The following TMEM182 variants were observed in gnomAD, a reference collection of about 807,000 sequenced individuals.
TMEM182 encodes transmembrane protein 182.
A neutral mutation model predicts 26.8 loss-of-function variants in TMEM182; 20 were observed. That is an observed-to-expected ratio of 0.75 (90% CI 0.53 to 1.09). The LOEUF (loss-of-function observed/expected upper bound fraction) is 1.09. TMEM182 is among the 50% of genes least tolerant of loss of function. TMEM182 has a pLI of 0.00. For synonymous variants in TMEM182, 109 were observed against 102.2 expected, an observed-to-expected ratio of 1.07 and a Z score of -0.40; for missense variants, 277 against 275.5, an observed-to-expected ratio of 1.01 and a Z score of -0.04.
intron 4 of TMEM182, among the ~76,000 whole-genome samples, chr2:102,813,354 C>T (rs1682623319): frequency 1.3e-5 from 2 of 152,324 alleles, no homozygotes; most frequent in Middle Eastern, 6.8e-3. Flanking sequence ...AAGCTACTCT[C>T]TGCCAATATG....
chr2:102,842,174 A>G (rs1056121636), intron 3 of TMEM182, among the ~76,000 whole-genome samples: 1 of 152,122 alleles, frequency 6.6e-6, no homozygotes, highest in African/African-American at 2.4e-5. Context: ...TCCCCCCTGC[A>G]ATGACTACTC....
intron 1 of TMEM182, among the ~76,000 whole-genome samples, chr2:102,745,871 T>G (rs897535892): frequency 1.3e-5 from 2 of 152,174 alleles, no homozygotes; most frequent in African/African-American, 4.8e-5. Flanking sequence ...GGCATTGGGA[T>G]TGGTTCTAAT....
chr2:102,790,487 CCAT>C (rs1681589669), intron 3 of TMEM182, among the ~76,000 whole-genome samples: 2 of 152,170 alleles, frequency 1.3e-5, no homozygotes, highest in Non-Finnish European at 2.9e-5. Flanking sequence ...GAACAGATTC[CCAT>C]TCTGCCACTA....
downstream of TMEM182, among the ~76,000 whole-genome samples, chr2:102,822,344 T>A (rs1682938619): frequency 6.6e-6 from 1 of 151,804 alleles, no homozygotes; most frequent in Admixed American, 6.6e-5. Flanking sequence ...AAATAGACAA[T>A]GAAGAATTAA....
chr2:102,749,466 T>G (rs1361493990), intron 1 of TMEM182, among the ~76,000 whole-genome samples: 7 of 152,168 alleles, frequency 4.6e-5, no homozygotes, highest in Non-Finnish European at 1.0e-4. Flanking sequence ...AATAGGCAAT[T>G]TCTTACTGGG....
chr2:102,842,472 T>A (rs1467187450), intron 3 of TMEM182, among the ~76,000 whole-genome samples: 1 of 152,190 alleles, frequency 6.6e-6, no homozygotes, highest in Non-Finnish European at 1.5e-5. Flanking sequence ...CCTCATTGGC[T>A]TCTGGGGAGC....
chr2:102,802,749 A>G lies in TMEM182; in HGVS notation c.469+4749A>G, dbSNP rs988531021. ...GCAACATCAACACAGCAATTTCTGT[A>G]TGTCAGCAGGACATCTACGTGTGTG... On this transcript the variant is annotated intron_variant, in intron 4 of 4. Coordinates refer to ENST00000412401, the MANE Select transcript of TMEM182 (RefSeq NM_144632.5). Among the ~76,000 whole-genome samples, 11 of 152,220 alleles carry G rather than the reference A, an allele frequency of 7.2e-5. No homozygotes were observed. In the East Asian group the frequency reaches 7.7e-4, roughly 11 times the overall value.
At chr2:102,779,607 G>A (rs937687605) in intron 3 of TMEM182, among the ~76,000 whole-genome samples, 1 of 151,796 alleles carries the variant, frequency 6.6e-6, no homozygotes, top group African/African-American at 2.4e-5. Flanking sequence ...TCATTCAGCT[G>A]TAAAACACAT....
chr2:102,823,339 A>AT (rs201803701), intron 3 of TMEM182, among the ~76,000 whole-genome samples: 9 of 151,522 alleles, frequency 5.9e-5, no homozygotes, highest in African/African-American at 2.2e-4. Context: ...TTTATTTTTT[A>AT]TTTTTATTTT....
intron 4 of TMEM182, among the ~76,000 whole-genome samples, chr2:102,799,454 G>T (rs1347891410): frequency 6.6e-6 from 1 of 152,196 alleles, no homozygotes; most frequent in Non-Finnish European, 1.5e-5. Flanking sequence ...TGAAGAAAAG[G>T]CATACATATA....
At position 102,795,141 on chromosome 2, in the gene TMEM182, T is replaced by A. The variant is rs184341132; in HGVS notation, c.332-2722T>A. ...TGTTTTCTAATTCTAAAATTTATTT[T>A]TGTAATTTATAGACCTTATAATTTC... is the stretch of plus-strand genomic sequence containing the variant. On this transcript the variant is annotated intron_variant, in intron 3 of 4. Coordinates refer to ENST00000412401, the MANE Select transcript of TMEM182 (RefSeq NM_144632.5). 2.0e-5 allele frequency among the ~76,000 whole-genome samples: 3 copies of A among 152,350 alleles called. No homozygotes were observed. The East Asian group carries it at 5.8e-4, about 29-fold the overall frequency.
At chr2:102,800,357 T>A (rs1682067767) in intron 4 of TMEM182, among the ~76,000 whole-genome samples, 1 of 152,246 alleles carries the variant, frequency 6.6e-6, no homozygotes, top group Non-Finnish European at 1.5e-5. Context: ...TTGCCTATTC[T>A]GAATATTTCC....
rs183692604 is a variant in TMEM182 at position 102,743,896 on chromosome 2, A to G, written c.-83+6883A>G. On this transcript the variant is annotated intron_variant, in intron 1 of 5. Coordinates refer to the TMEM182 transcript ENST00000409173. ...GTACTGCATAACGATGAAAGGGTCA[A>G]TTCTCCAAGAAGACCTAACAACCTT... 2.6e-5 allele frequency among the ~76,000 whole-genome samples: 4 copies of G among 152,348 alleles called. No homozygotes were observed. The East Asian group carries it at 5.8e-4, about 22-fold the overall frequency.
At chr2:102,775,744 A>G (rs1285905430) in intron 3 of TMEM182, among the ~76,000 whole-genome samples, 1 of 152,184 alleles carries the variant, frequency 6.6e-6, no homozygotes, top group Non-Finnish European at 1.5e-5. Flanking sequence ...ATACACCAAC[A>G]ACAGACAAAC....
chr2:102,789,459 A>T (rs1681542680), intron 3 of TMEM182, among the ~76,000 whole-genome samples: 1 of 152,194 alleles, frequency 6.6e-6, no homozygotes, highest in Non-Finnish European at 1.5e-5. Flanking sequence ...ATATCTTAAC[A>T]GAACAAACTG....
At chr2:102,778,676 C>T (rs181664211) in intron 3 of TMEM182, among the ~76,000 whole-genome samples, 3 of 145,948 alleles carry the variant, frequency 2.1e-5, no homozygotes, top group South Asian at 2.3e-4. Context: ...CTATAATCAT[C>T]GGTTTAGCTA....
At chr2:102,826,274 CCAGTG>C (rs764109610) in intron 3 of TMEM182, among the ~76,000 whole-genome samples, 31 of 151,220 alleles carry the variant, frequency 2.0e-4, no homozygotes, top group Admixed American at 3.9e-4. Context: ...GGGCAAAGCC[CCAGTG>C]CAGCGTACAG....
At position 102,744,895 on chromosome 2, in the gene TMEM182, G is replaced by A. The variant is rs899661874; in HGVS notation, c.-83+7882G>A. ...TTACATGTGTTTGTTTTCTATTTGG[G>A]CATTAATCCTACTTGGTATTCTCTG... On this transcript the variant is annotated intron_variant, in intron 1 of 5. Coordinates refer to the TMEM182 transcript ENST00000409173. Among the ~76,000 whole-genome samples, 5 of 152,100 alleles carry A rather than the reference G, an allele frequency of 3.3e-5. No homozygotes were observed. In the South Asian group the frequency reaches 6.2e-4, roughly 19 times the overall value.
chr2:102,810,472 G>A (rs1011360337), intron 4 of TMEM182, among the ~76,000 whole-genome samples: 7 of 152,142 alleles, frequency 4.6e-5, no homozygotes, highest in Admixed American at 3.3e-4. Context: ...TAAATTTTAC[G>A]TGCCCTTTGT....
Sources: allele counts gnomAD v4.1 joint callset (sites outside exome capture counted in the v4.1 genomes callset), GRCh38; gene constraint gnomAD v4.1.1; transcripts MANE v1.5; gene names NCBI Gene and HGNC (gene_info 2026-07-23, HGNC 2026-07-21).